Variants in CCNH observed in about 807,000 individuals in gnomAD.
CCNH encodes cyclin H, also known as cyclin-H.
A neutral mutation model predicts 41.9 loss-of-function variants in CCNH; 31 were observed. The observed-to-expected ratio is 0.74, with a 90% CI of 0.56 to 1.00. The LOEUF is 1.00. Among genes scored for constraint, CCNH ranks in the 50% least tolerant of loss-of-function variants. The pLI, the probability that CCNH is intolerant of heterozygous loss-of-function variation, is 0.00. For missense variants in CCNH, 362 were observed against 388.4 expected (o/e 0.93, Z 0.57); for synonymous variants, 138 against 136.1 (o/e 1.01, Z -0.10).
At chr5:87,391,300 CTG>C, downstream of CCNH, 1 of 357,886 alleles carries the variant, frequency 2.8e-6, no homozygotes, top group Non-Finnish European at 5.2e-6. Flanking sequence ...TTGTGTATAA[CTG>C]GATTGCAGAC....
At chr5:87,390,715 TAC>T (rs1762451085), downstream of CCNH, 4 of 1,094,228 alleles carry the variant, frequency 3.7e-6, no homozygotes, top group South Asian at 1.3e-5. Flanking sequence ...TTTGCTTTGA[TAC>T]AGTTTTTTTC....
At chr5:87,373,346 CA>C (rs371317342), downstream of CCNH, among the ~76,000 whole-genome samples, 9 of 151,938 alleles carry the variant, frequency 5.9e-5, no homozygotes, top group Middle Eastern at 3.2e-3. Flanking sequence ...TTACGGCATA[CA>C]GGGGGGCATG....
At chr5:87,353,041 G>T in intron 9 of CCNH, 3 of 718,622 alleles carry the variant, frequency 4.2e-6, no homozygotes, top group Non-Finnish European at 7.4e-6. Context: ...TTTGTGTTAT[G>T]TGCTTTGAAA....
In CCNH at chr5:87,394,474, G is replaced by GTCCATTCT; in HGVS notation, c.936_943dup (p.Thr315LysfsTer9). 6.2e-7 allele frequency: 1 copy of GTCCATTCT among 1,613,550 alleles called. No individual in the cohort carries two copies. The highest frequency in any genetic ancestry group is 8.5e-7 in the Non-Finnish European group (1 of 1,179,644). On this transcript the variant is annotated frameshift_variant, in exon 9 of 9. Coordinates refer to ENST00000256897, the MANE Select transcript of CCNH (RefSeq NM_001239.4). LOFTEE classifies it high-confidence loss of function. ...GAGAGATTCTACCAGGTCGTCATCA[G>GTCCATTCT]TCCATTCTTCCTAAGAAGGAAAAAA...
chr5:87,358,884 G>A (rs549917565), intron 9 of CCNH, among the ~76,000 whole-genome samples: 1 of 152,116 alleles, frequency 6.6e-6, no homozygotes, highest in African/African-American at 2.4e-5. Flanking sequence ...GTTTTCTCTT[G>A]GATATCCACT....
chr5:87,395,493 T>A (rs2112545062), intron 7 of CCNH, among the ~76,000 whole-genome samples: 1 of 152,268 alleles, frequency 6.6e-6, no homozygotes, highest in East Asian at 1.9e-4. Flanking sequence ...TCAGACTAGA[T>A]AAGCAAAGTA....
intron 5 of CCNH, 86 bp downstream of exon 5, chr5:87,404,758 A>G (rs564881576): frequency 9.3e-7 from 1 of 1,072,462 alleles, no homozygotes; most frequent in African/African-American, 1.6e-5. Flanking sequence ...GCCACAAAGA[A>G]TATTAAAGAT....
downstream of CCNH, among the ~76,000 whole-genome samples, chr5:87,372,788 C>T (rs1200412828): frequency 6.6e-6 from 1 of 152,064 alleles, no homozygotes; most frequent in Admixed American, 6.6e-5. Flanking sequence ...CAAATTTTGA[C>T]ATTCTCAAGG....
intron 9 of CCNH, among the ~76,000 whole-genome samples, chr5:87,369,258 G>A (rs1411770518): frequency 1.3e-5 from 2 of 152,082 alleles, no homozygotes; most frequent in Admixed American, 1.3e-4. Context: ...CATATCAAAT[G>A]ATTTGAAATA....
chr5:87,399,568 G>T, intron 6 of CCNH, 63 bp from the exon 7 acceptor site: 1 of 1,036,652 alleles, frequency 9.6e-7, no homozygotes, highest in Non-Finnish European at 1.5e-6. Context: ...TAGTAAGGGA[G>T]CTGGTTACTT....
intron 4 of CCNH, among the ~76,000 whole-genome samples, chr5:87,405,421 C>T (rs546996678): frequency 9.2e-5 from 14 of 152,232 alleles, no homozygotes; most frequent in African/African-American, 2.6e-4. Flanking sequence ...CACTAGACTT[C>T]GAATTCCCAC....
At chr5:87,391,723 A>ATTAT (rs1327856218), downstream of CCNH, 3 of 231,320 alleles carry the variant, frequency 1.3e-5, no homozygotes, top group African/African-American at 4.4e-5. Context: ...TTATTTGTTC[A>ATTAT]TTATTTGTGC....
At chr5:87,313,120 G>C in the CCNH span, among the ~76,000 whole-genome samples, 3 of 152,328 alleles carry the variant, frequency 2.0e-5, no homozygotes, top group African/African-American at 4.8e-5. Context: ...TGGGAGTTCA[G>C]AGTAGGGGAG....
At chr5:87,351,344 T>A (rs1304288278) in intron 9 of CCNH, among the ~76,000 whole-genome samples, 1 of 151,688 alleles carries the variant, frequency 6.6e-6, no homozygotes, top group South Asian at 2.1e-4. Context: ...GAAAAGAAAG[T>A]ATGGTATGCA....
intron 9 of CCNH, among the ~76,000 whole-genome samples, chr5:87,385,877 A>G (rs976009877): frequency 2.0e-5 from 3 of 152,038 alleles, no homozygotes; most frequent in Non-Finnish European, 4.4e-5. Flanking sequence ...CTCTTTCACT[A>G]TTCTTAATAA....
chr5:87,386,283 G>C (rs1762056618), intron 9 of CCNH, among the ~76,000 whole-genome samples: 1 of 151,932 alleles, frequency 6.6e-6, no homozygotes, highest in Non-Finnish European at 1.5e-5. Context: ...CCTATTTATA[G>C]CATGGTTTTA....
At chr5:87,388,549 G>A (rs188987898), downstream of CCNH, among the ~76,000 whole-genome samples, 477 of 152,228 alleles carry the variant, frequency 3.1e-3, 1 homozygote, top group African/African-American at 0.011. Flanking sequence ...TCCAAAATCC[G>A]AAACACTTCT....
At chr5:87,332,632 C>T in intron 9 of CCNH, 1 of 1,610,106 alleles carries the variant, frequency 6.2e-7, no homozygotes, top group African/African-American at 1.3e-5. Context: ...TACCCAGTTG[C>T]ACCACCAGAG....
intron 9 of CCNH, among the ~76,000 whole-genome samples, chr5:87,321,762 G>A (rs544981595): frequency 6.6e-6 from 1 of 152,302 alleles, no homozygotes; most frequent in African/African-American, 2.4e-5. Context: ...GTTCAGCTGT[G>A]AGGCCAGTCC....
Sources: allele counts gnomAD v4.1 joint callset (sites outside exome capture counted in the v4.1 genomes callset), GRCh38; gene constraint gnomAD v4.1.1; transcripts MANE v1.5; gene names NCBI Gene and HGNC (gene_info 2026-07-23, HGNC 2026-07-21).